The following MBOAT1 variants were observed in gnomAD, a reference collection of about 807,000 sequenced individuals.
The protein encoded by MBOAT1 is membrane bound glycerophospholipid O-acyltransferase 1, also known as membrane-bound glycerophospholipid O-acyltransferase 1.
Under a neutral mutation model 64.4 loss-of-function variants are expected in MBOAT1, and 67 were observed. The ratio of observed to expected loss-of-function variants is 1.04; its 90% CI spans 0.85 to 1.27. MBOAT1 has a LOEUF of 1.27. MBOAT1 is among the 50% of genes most tolerant of loss of function. MBOAT1 has a pLI of 0.00. For missense variants in MBOAT1, 563 were observed against 604.6 expected, an observed-to-expected ratio of 0.93 and a Z score of 0.72; for synonymous variants, 229 against 218.9, an observed-to-expected ratio of 1.05 and a Z score of -0.41.
intron 1 of MBOAT1, among the ~76,000 whole-genome samples, chr6:20,176,310 T>A: frequency 6.6e-6 from 1 of 151,880 alleles, no homozygotes. Context: ...ACAACCTATA[T>A]CATACAGGCC....
chr6:20,171,548 GAAT>G (rs71737805), intron 1 of MBOAT1, among the ~76,000 whole-genome samples: 6,258 of 150,810 alleles, frequency 0.041, 152 homozygotes, highest in African/African-American at 0.071. Context: ...TGTCTCAAAA[GAAT>G]AATAACAATA....
intron 9 of MBOAT1, among the ~76,000 whole-genome samples, chr6:20,117,899 T>C (rs191669924): frequency 1.3e-5 from 2 of 152,210 alleles, no homozygotes; most frequent in East Asian, 3.9e-4. Context: ...CCTCTGATAA[T>C]GAGAGCAGAC....
At chr6:20,206,941 C>T (rs947469277) in intron 1 of MBOAT1, among the ~76,000 whole-genome samples, 7 of 152,142 alleles carry the variant, frequency 4.6e-5, no homozygotes, top group African/African-American at 1.4e-4. Context: ...GACCCACCAT[C>T]GCAAGAAGTT....
At chr6:20,168,599 G>GAGAAGAGAAGAGAAGAGAAGAGAAGAGA (rs1244703112) in intron 1 of MBOAT1, among the ~76,000 whole-genome samples, 2 of 84,606 alleles carry the variant, frequency 2.4e-5, no homozygotes. Flanking sequence ...GGGAGAGAAA[G>GAGAAGAGAAGAGAAGAGAAGAGAAGAGA]AGAGAAGAGA....
At chr6:20,134,902 CTTTTT>C (rs3057688) in intron 4 of MBOAT1, among the ~76,000 whole-genome samples, 26 of 104,716 alleles carry the variant, frequency 2.5e-4, no homozygotes, top group Non-Finnish European at 3.8e-4. Context: ...AATTCATGTT[CTTTTT>C]TTTTTTTTTT....
At chr6:20,111,815 C>CAT (rs201309616) in intron 11 of MBOAT1, among the ~76,000 whole-genome samples, 6,108 of 105,272 alleles carry the variant, frequency 0.058, 608 homozygotes, top group East Asian at 0.089. Flanking sequence ...CATATATATA[C>CAT]ATATATATAC....
intron 1 of MBOAT1, among the ~76,000 whole-genome samples, chr6:20,175,416 A>C (rs371531321): frequency 6.6e-6 from 1 of 151,110 alleles, no homozygotes; most frequent in Admixed American, 6.6e-5. Flanking sequence ...GAGCCACTGA[A>C]CCCAATTTGT....
rs575621565 is a variant in MBOAT1 at position 20,179,107 on chromosome 6, C to A, written c.100-26338G>T. Among the ~76,000 whole-genome samples the A allele has an allele frequency of 1.6e-4, 25 of 151,602 alleles. No individual in the cohort carries two copies. The South Asian group carries it at 4.8e-3, about 29-fold the overall frequency. ...TGCTCTCCCTCTCCCCACCCCCACA[C>A]CCCACAAATGTTGGCTGTTATTCTG... is the stretch of plus-strand genomic sequence containing the variant. On this transcript the variant is annotated intron_variant, in intron 1 of 12. Coordinates refer to ENST00000324607, the MANE Select transcript of MBOAT1 (RefSeq NM_001080480.3).
intron 1 of MBOAT1, among the ~76,000 whole-genome samples, chr6:20,155,115 T>A (rs1290589981): frequency 6.6e-6 from 1 of 152,228 alleles, no homozygotes; most frequent in African/African-American, 2.4e-5. Context: ...CATGTGCACA[T>A]GAGGAATGAT....
intron 8 of MBOAT1, among the ~76,000 whole-genome samples, chr6:20,120,748 G>A (rs1434801133): frequency 6.6e-6 from 1 of 152,170 alleles, no homozygotes; most frequent in Non-Finnish European, 1.5e-5. Context: ...AACCTGAGCA[G>A]GTAAGAGCCA....
chr6:20,119,934 A>G (rs1307018434), intron 8 of MBOAT1, among the ~76,000 whole-genome samples: 1 of 152,030 alleles, frequency 6.6e-6, no homozygotes, highest in Non-Finnish European at 1.5e-5. Context: ...CTCCAGCCTC[A>G]TTTCTGGCAC....
intron 8 of MBOAT1, among the ~76,000 whole-genome samples, chr6:20,120,206 G>T (rs527803124): frequency 7.2e-5 from 11 of 152,014 alleles, no homozygotes; most frequent in Admixed American, 6.6e-4. Flanking sequence ...ATCATCTAAC[G>T]TCTAAAAACC....
In MBOAT1 at chr6:20,154,236, T is replaced by G. The variant is rs1360694037; in HGVS notation, c.100-1467A>C. Among the ~76,000 whole-genome samples, 3 of 152,174 alleles carry G rather than the reference T, an allele frequency of 2.0e-5. No homozygotes were observed. In the East Asian group the frequency reaches 5.8e-4, roughly 29 times the overall value. On this transcript the variant is annotated intron_variant, in intron 1 of 12. Coordinates refer to ENST00000324607, the MANE Select transcript of MBOAT1 (RefSeq NM_001080480.3). Reference sequence around the variant, plus strand: ...CAGAAAATGTTTGTTTTGGTTTTTTTAAAGTTGACCGTTGGCCAGGCGCGG... The same window carrying G: ...CAGAAAATGTTTGTTTTGGTTTTTTGAAAGTTGACCGTTGGCCAGGCGCGG...
chr6:20,207,274 C>T (rs527837820), intron 1 of MBOAT1, among the ~76,000 whole-genome samples: 29 of 152,182 alleles, frequency 1.9e-4, no homozygotes, highest in Non-Finnish European at 3.5e-4. Flanking sequence ...GAGGACCTTC[C>T]GTATGCCTTC....
At position 20,209,646 on chromosome 6, in the gene MBOAT1, G is replaced by C. The variant is rs1422413852; in HGVS notation, c.99+2490C>G. ...TTAAGAGGCATACAAAAAACTATTTGAGTAACTTGAGATATATATTTTATA... is the reference window on the plus strand; with the variant it reads ...TTAAGAGGCATACAAAAAACTATTTCAGTAACTTGAGATATATATTTTATA... On this transcript the variant is annotated intron_variant, in intron 1 of 12. Transcript: ENST00000324607. Among the ~76,000 whole-genome samples the C allele has an allele frequency of 2.6e-5, 4 of 152,300 alleles. No individual in the cohort carries two copies. The South Asian group carries it at 6.2e-4, about 24-fold the overall frequency.
At chr6:20,123,586 G>A (rs10484637) in intron 8 of MBOAT1, among the ~76,000 whole-genome samples, 11,687 of 151,218 alleles carry the variant, frequency 0.077, 509 homozygotes, top group South Asian at 0.13. Context: ...ATAAAACCAA[G>A]TGAAGTTGAA....
intron 8 of MBOAT1, among the ~76,000 whole-genome samples, chr6:20,123,766 C>T (rs994961723): frequency 6.6e-6 from 1 of 152,016 alleles, no homozygotes; most frequent in Non-Finnish European, 1.5e-5. Context: ...TACAAAAAAG[C>T]CAGATCAAGG....
At chr6:20,106,059 A>G (rs1010991181) in intron 12 of MBOAT1, among the ~76,000 whole-genome samples, 1 of 152,232 alleles carries the variant, frequency 6.6e-6, no homozygotes, top group Non-Finnish European at 1.5e-5. Flanking sequence ...AGCAATGAGG[A>G]TCTACTGAGA....
intron 8 of MBOAT1, among the ~76,000 whole-genome samples, chr6:20,118,842 C>T (rs1042971611): frequency 5.9e-5 from 9 of 152,060 alleles, no homozygotes; most frequent in South Asian, 2.1e-4. Flanking sequence ...AACGAAGAAC[C>T]GAAATGAATA....
Sources: gnomAD v4.1 joint callset for allele counts (sites outside exome capture counted in the v4.1 genomes callset) on GRCh38, gnomAD v4.1.1 for gene constraint, MANE v1.5 for transcripts, NCBI Gene and HGNC (gene_info 2026-07-23, HGNC 2026-07-21) for gene names.